Variants in SCMH1 observed in about 807,000 individuals in gnomAD.
The protein encoded by SCMH1 is Scm polycomb group protein homolog 1.
A neutral mutation model predicts 70.8 loss-of-function variants in SCMH1; 37 were observed. That is an observed-to-expected ratio of 0.52 (90% confidence interval 0.40 to 0.69). SCMH1 has a LOEUF of 0.69. Ranked by LOEUF, SCMH1 falls within the 30% of genes least tolerant of loss-of-function variation. The pLI is 0.00. For missense variants in SCMH1, 607 were observed against 827.3 expected (o/e 0.73, Z 3.27); for synonymous variants, 292 against 307.4 (o/e 0.95, Z 0.52).
chr1:41,209,448 A>T (rs1490760577), intron 1 of SCMH1, among the ~76,000 whole-genome samples: 2 of 152,238 alleles, frequency 1.3e-5, no homozygotes, highest in African/African-American at 4.8e-5. Flanking sequence ...CCCGATGAAC[A>T]TCGATGCAAA....
rs1391245651 is a variant in SCMH1, at chr1:41,113,839, C to T, written c.502-313G>A. On this transcript the variant is annotated intron_variant, in intron 7 of 14. Coordinates refer to ENST00000337495, the Ensembl canonical transcript of SCMH1. The surrounding 1 kb of genome is among the most constrained non-coding windows in gnomAD (Gnocchi z 4.3). ...CTACCTACCACGGAGGTAACAGCTA[C>T]CCATGCATGTTTTATATTTTACTAT... 2.6e-5 allele frequency among the ~76,000 whole-genome samples: 4 copies of T among 152,168 alleles called. No individual in the cohort carries two copies. Among genetic ancestry groups the T allele is most frequent in the African/African-American group, 9.7e-5 (4 of 41,442 alleles).
At chr1:41,130,659 T>C (rs1423855170) in intron 6 of SCMH1, among the ~76,000 whole-genome samples, 1 of 152,216 alleles carries the variant, frequency 6.6e-6, no homozygotes, top group Non-Finnish European at 1.5e-5. Flanking sequence ...TAAAATTTAC[T>C]CTTTTAAGTA....
chr1:41,141,704 C>T (rs1644090559), intron 6 of SCMH1, among the ~76,000 whole-genome samples: 1 of 151,794 alleles, frequency 6.6e-6, no homozygotes, highest in African/African-American at 2.4e-5. Flanking sequence ...AAATAAACTG[C>T]AAGAAAAATT....
At chr1:41,062,942 C>A (rs1010536267) in intron 10 of SCMH1, among the ~76,000 whole-genome samples, 2 of 145,328 alleles carry the variant, frequency 1.4e-5, no homozygotes, top group African/African-American at 2.6e-5. Flanking sequence ...AAAATTGGAA[C>A]TAAATGAAAA....
intron 2 of SCMH1, chr1:41,163,143 G>C (rs213746): frequency 0.76 from 116,261 of 152,056 alleles, 45,274 homozygotes; most frequent in African/African-American, 0.92. Flanking sequence ...AGCTTTTGGG[G>C]ACTACTGCAT....
At chr1:41,224,732 A>G (rs1375035247) in intron 1 of SCMH1, among the ~76,000 whole-genome samples, 3 of 152,196 alleles carry the variant, frequency 2.0e-5, no homozygotes, top group African/African-American at 7.2e-5. Flanking sequence ...AAATAGCACA[A>G]GTTCTGTTGT....
chr1:41,081,599 C>T (rs1016020109), intron 8 of SCMH1, among the ~76,000 whole-genome samples: 4 of 152,122 alleles, frequency 2.6e-5, no homozygotes, highest in African/African-American at 9.7e-5. Context: ...AGGAGGATTG[C>T]TTGAGGCCAG....
intron 6 of SCMH1, among the ~76,000 whole-genome samples, chr1:41,121,616 C>T (rs551463929): frequency 6.6e-6 from 1 of 152,230 alleles, no homozygotes; most frequent in Admixed American, 6.5e-5. Context: ...TCTTCTTGGT[C>T]CCCACTTTCT....
At position 41,113,045 on chromosome 1, in the gene SCMH1, T is replaced by C. The variant is rs536927598; in HGVS notation, c.745+238A>G. Among the ~76,000 whole-genome samples, 1 of 152,198 alleles carries C rather than the reference T, an allele frequency of 6.6e-6. No homozygotes were observed. The highest frequency in any genetic ancestry group is 1.5e-5 in the Non-Finnish European group (1 of 68,044). On this transcript the variant is annotated intron_variant, in intron 8 of 14. Coordinates refer to ENST00000337495, the Ensembl canonical transcript of SCMH1. The surrounding 1 kb of genome is among the most constrained non-coding windows in gnomAD (Gnocchi z 4.3). ...GGTTGCCTGAGAATAAACCAGGATA[T>C]GTAGAGCAAAGAATTATTACTTTAT...
At chr1:41,203,659 C>A (rs562855886) in intron 1 of SCMH1, among the ~76,000 whole-genome samples, 1 of 152,216 alleles carries the variant, frequency 6.6e-6, no homozygotes, top group Non-Finnish European at 1.5e-5. Flanking sequence ...GCAAGGAACA[C>A]CTGGCCCACC....
intron 8 of SCMH1, among the ~76,000 whole-genome samples, chr1:41,107,485 C>G (rs1413235500): frequency 6.6e-6 from 1 of 151,798 alleles, no homozygotes; most frequent in Non-Finnish European, 1.5e-5. Context: ...TTATTCTTGC[C>G]TCTATCCTAG....
chr1:41,115,545 C>G (rs1670251104), intron 7 of SCMH1, among the ~76,000 whole-genome samples: 1 of 152,192 alleles, frequency 6.6e-6, no homozygotes, highest in African/African-American at 2.4e-5. Flanking sequence ...TTAAGCGATT[C>G]TTCCACCTCG....
At chr1:41,209,136 G>C (rs930735518) in intron 1 of SCMH1, among the ~76,000 whole-genome samples, 1 of 152,082 alleles carries the variant, frequency 6.6e-6, no homozygotes, top group African/African-American at 2.4e-5. Flanking sequence ...TAAATTCCTG[G>C]ACACATACAC....
At chr1:41,031,077 G>A (rs939997665) in intron 13 of SCMH1, among the ~76,000 whole-genome samples, 1 of 152,034 alleles carries the variant, frequency 6.6e-6, no homozygotes, top group Non-Finnish European at 1.5e-5. Context: ...GCTTGAGGCC[G>A]GGAGTTTGAG....
At chr1:41,163,812 G>A (rs768001325) in intron 2 of SCMH1, among the ~76,000 whole-genome samples, 3 of 152,022 alleles carry the variant, frequency 2.0e-5, no homozygotes, top group African/African-American at 2.4e-5. Context: ...AGACAACTGC[G>A]GAAATTATCA....
chr1:41,168,933 G>A (rs543448077), intron 2 of SCMH1, among the ~76,000 whole-genome samples: 44 of 152,250 alleles, frequency 2.9e-4, no homozygotes, highest in Middle Eastern at 6.8e-3. Context: ...AGATGTTGAG[G>A]TGCTGAATGG....
intron 1 of SCMH1, among the ~76,000 whole-genome samples, chr1:41,223,748 T>C (rs951523141): frequency 1.7e-4 from 26 of 152,206 alleles, no homozygotes; most frequent in Admixed American, 1.3e-3. Context: ...AATTCCTGCC[T>C]TGCCAACTTT....
At chr1:41,077,920 C>T (rs1318298170) in intron 8 of SCMH1, among the ~76,000 whole-genome samples, 1 of 151,984 alleles carries the variant, frequency 6.6e-6, no homozygotes, top group Non-Finnish European at 1.5e-5. Context: ...AGAGAAAATA[C>T]AGGCAATAGA....
chr1:41,077,892 C>CA (rs1163020929), intron 8 of SCMH1, among the ~76,000 whole-genome samples: 1 of 152,008 alleles, frequency 6.6e-6, no homozygotes, highest in East Asian at 1.9e-4. Context: ...AGAGTCAAAA[C>CA]AGTGTGATCA....
Sources: gnomAD v4.1 joint callset for allele counts (sites outside exome capture counted in the v4.1 genomes callset) on GRCh38, gnomAD v4.1.1 for gene constraint, Gnocchi (gnomAD v3.1) non-coding constraint, MANE v1.5 for transcripts, NCBI Gene and HGNC (gene_info 2026-07-23, HGNC 2026-07-21) for gene names.